MAML3: variants seen among roughly 807,000 people sequenced by gnomAD.
MAML3 encodes mastermind like transcriptional coactivator 3, also known as mastermind-like protein 3.
In MAML3, 27 loss-of-function variants were observed where a neutral mutation model predicts 101.9. That is an observed-to-expected ratio of 0.27 (90% CI 0.20 to 0.37). The LOEUF is 0.37. MAML3 is among the 10% of genes least tolerant of loss of function. The pLI is 1.00. For missense variants in MAML3, 1,316 were observed against 1,444.9 expected (o/e 0.91, Z 1.45); for synonymous variants, 501 against 555.9 (o/e 0.90, Z 1.39).
rs371541718 is a variant in MAML3, at chr4:139,889,444, G to A, written c.1992C>T (p.Ser664=). 39 of 1,613,866 alleles carry A rather than the reference G, an allele frequency of 2.4e-5. No homozygotes were observed. The African/African-American group carries it at 3.7e-4, about 15-fold the overall frequency. ...TGAGAAGCAGGCGTTTCTGGTCTTC[G>A]CTCAGGTGTGCCCTGGGGGCCTGGA... ...PQLQAPRAHL[S]EDQKRLLLMK... The change falls in exon 2 of 5, where the codon AGC becomes AGT. Residue 664 remains serine, a synonymous_variant. Transcript: ENST00000509479.
chr4:139,848,615 T>A (rs907995041), intron 2 of MAML3, among the ~76,000 whole-genome samples: 1 of 152,142 alleles, frequency 6.6e-6, no homozygotes, highest in African/African-American at 2.4e-5. Flanking sequence ...TCATGAAAAA[T>A]CCCAAGCTAA....
chr4:140,128,053 C>G lies in MAML3; in HGVS notation c.468+24807G>C, dbSNP rs1233449928. ...CAGCATCCCAGCACATCATGGAGAG[C>G]TAAGTGACAGAACAGGCAGCTCCTC... is the stretch of plus-strand genomic sequence containing the variant. On this transcript the variant is annotated intron_variant, in intron 1 of 4. Transcript: ENST00000509479. The G allele has an allele frequency of 6.6e-5, 10 of 152,402 alleles. No individual in the cohort carries two copies. In the East Asian group the frequency reaches 1.7e-3, roughly 26 times the overall value. 9.4% of individuals were successfully genotyped at this position (152,402 alleles called of 1,614,324 possible). A position where few individuals can be genotyped will look rare whatever the true frequency, so the allele number is the denominator to read the frequency against.
chr4:139,931,268 C>T (rs866218683), intron 1 of MAML3, among the ~76,000 whole-genome samples: 2 of 152,192 alleles, frequency 1.3e-5, no homozygotes, highest in African/African-American at 4.8e-5. Context: ...CTTCCTTTTA[C>T]GTTCCTCTTC....
chr4:140,038,159 GCTGA>G (rs1280885405), intron 1 of MAML3, among the ~76,000 whole-genome samples: 1 of 152,204 alleles, frequency 6.6e-6, no homozygotes, highest in Non-Finnish European at 1.5e-5. Flanking sequence ...ACTCGGAAAT[GCTGA>G]CTGTTTCTAG....
In MAML3 at chr4:139,718,579, CA is replaced by C. The variant is rs1449037525; in HGVS notation, c.*743del. 3.3e-5 allele frequency: 5 copies of C among 152,396 alleles called. No individual in the cohort carries two copies. The highest frequency in any genetic ancestry group is 5.9e-5 in the Non-Finnish European group (4 of 68,252). 9.4% of individuals were successfully genotyped at this position (152,396 alleles called of 1,614,324 possible). ...CAGCCCCACCTGGAGGGACTGCCAC[CA>C]GGGGCACCAGCAGAGGGAAGCCGTC... On this transcript the variant is annotated 3_prime_UTR_variant, in exon 5 of 5. Transcript: ENST00000509479.
chr4:139,733,618 C>T (rs1360156766), intron 2 of MAML3, among the ~76,000 whole-genome samples: 1 of 151,366 alleles, frequency 6.6e-6, no homozygotes, highest in African/African-American at 2.4e-5. Flanking sequence ...CAAATAATTC[C>T]CTCCCAGAGG....
At chr4:139,871,219 C>T (rs887866585) in intron 2 of MAML3, among the ~76,000 whole-genome samples, 3 of 152,270 alleles carry the variant, frequency 2.0e-5, no homozygotes, top group Non-Finnish European at 4.4e-5. Context: ...TTACCTACCA[C>T]CTAGATAAGC....
intron 2 of MAML3, among the ~76,000 whole-genome samples, chr4:139,828,712 C>CTT (rs996757226): frequency 1.1e-4 from 14 of 128,700 alleles, no homozygotes; most frequent in Non-Finnish European, 1.7e-4. Context: ...AGATGCACTT[C>CTT]TTTTTTTTTT....
chr4:139,737,194 A>G (rs1579377542), intron 2 of MAML3, among the ~76,000 whole-genome samples: 3 of 152,196 alleles, frequency 2.0e-5, no homozygotes, highest in South Asian at 2.1e-4. Context: ...TGATTTGAGG[A>G]AAGTTCCCTC....
In MAML3 at chr4:139,935,121, C is replaced by A. The variant is rs144271769; in HGVS notation, c.469-44154G>T. On this transcript the variant is annotated intron_variant, in intron 1 of 4. Transcript: ENST00000509479. The stretch of plus-strand genomic sequence containing the variant: ...GCTCTCCCCCTACTGCCTATCACCC[C>A]CCTTCCTCAGCAAGGCACAGAACAC... Among the ~76,000 whole-genome samples, 3 of 152,052 alleles carry A rather than the reference C, an allele frequency of 2.0e-5. No homozygotes were observed. The East Asian group carries it at 5.8e-4, about 29-fold the overall frequency.
intron 2 of MAML3, among the ~76,000 whole-genome samples, chr4:139,869,639 C>T (rs913244274): frequency 6.6e-6 from 1 of 152,144 alleles, no homozygotes; most frequent in Non-Finnish European, 1.5e-5. Flanking sequence ...CCAAATACCA[C>T]CCCACCCCCG....
chr4:139,924,517 T>C (rs759060160), intron 1 of MAML3, among the ~76,000 whole-genome samples: 14 of 152,356 alleles, frequency 9.2e-5, no homozygotes, highest in Non-Finnish European at 1.5e-4. Context: ...TATGTTATCC[T>C]GGATCAAGAA....
chr4:139,965,200 G>GTTT (rs34595097), intron 1 of MAML3, among the ~76,000 whole-genome samples: 4 of 139,278 alleles, frequency 2.9e-5, no homozygotes, highest in Admixed American at 7.3e-5. Flanking sequence ...CTCCCTGCTA[G>GTTT]TTTTTTTTTT....
At chr4:139,874,365 G>A (rs571853199) in intron 2 of MAML3, among the ~76,000 whole-genome samples, 53 of 152,070 alleles carry the variant, frequency 3.5e-4, no homozygotes, top group Middle Eastern at 3.4e-3. Flanking sequence ...TTATGCAGGA[G>A]GAACAATCTT....
chr4:140,046,929 CT>C (rs1242321603), intron 1 of MAML3, among the ~76,000 whole-genome samples: 1 of 152,096 alleles, frequency 6.6e-6, no homozygotes, highest in Non-Finnish European at 1.5e-5. Flanking sequence ...AACACCTCCT[CT>C]GAGCTGCTGT....
At chr4:139,777,290 A>T (rs1361566425) in intron 2 of MAML3, among the ~76,000 whole-genome samples, 2 of 152,178 alleles carry the variant, frequency 1.3e-5, no homozygotes, top group Admixed American at 1.3e-4. Flanking sequence ...CAATACCAAC[A>T]TCTACTGTGT....
chr4:140,096,440 C>T (rs1466222817), intron 1 of MAML3, among the ~76,000 whole-genome samples: 7 of 152,050 alleles, frequency 4.6e-5, no homozygotes, highest in Non-Finnish European at 7.4e-5. Context: ...AATACGTATC[C>T]GAAAGTTCAC....
At chr4:139,974,038 A>G (rs921142954) in intron 1 of MAML3, among the ~76,000 whole-genome samples, 1 of 152,178 alleles carries the variant, frequency 6.6e-6, no homozygotes, top group African/African-American at 2.4e-5. Context: ...TGGTTGATGA[A>G]TTAACGGCCT....
chr4:139,829,821 G>T (rs1370672391), intron 2 of MAML3, among the ~76,000 whole-genome samples: 1 of 152,174 alleles, frequency 6.6e-6, no homozygotes, highest in East Asian at 1.9e-4. Flanking sequence ...GTCTGTATTG[G>T]TCAAATGACA....
Sources: gnomAD v4.1 joint callset for allele counts (sites outside exome capture counted in the v4.1 genomes callset) on GRCh38, gnomAD v4.1.1 for gene constraint, MANE v1.5 for transcripts, NCBI Gene and HGNC (gene_info 2026-07-23, HGNC 2026-07-21) for gene names.